Variants in ZNF423 observed in about 807,000 individuals in gnomAD.
ZNF423 encodes Ebf-associated zinc finger protein.
ZNF423 carries 12 observed loss-of-function variants against 95.8 expected under a neutral mutation model. The observed-to-expected ratio is 0.13, with a 90% CI of 0.08 to 0.20. ZNF423 has a LOEUF of 0.20. Ranked by LOEUF, ZNF423 falls within the 10% of genes least tolerant of loss-of-function variation. The pLI is 1.00. For synonymous variants in ZNF423, 749 were observed against 711.9 expected, an observed-to-expected ratio of 1.05 and a Z score of -0.83; for missense variants, 1,316 against 1,737.1, an observed-to-expected ratio of 0.76 and a Z score of 4.31.
At chr16:49,585,367 C>T (rs1444613576) in intron 5 of ZNF423, among the ~76,000 whole-genome samples, 1 of 152,210 alleles carries the variant, frequency 6.6e-6, no homozygotes, top group East Asian at 1.9e-4. Flanking sequence ...CCAAGGTCCC[C>T]TCAAGTCCCA....
chr16:49,515,673 C>T (rs1968102141), intron 7 of ZNF423, among the ~76,000 whole-genome samples: 1 of 152,242 alleles, frequency 6.6e-6, no homozygotes, highest in Non-Finnish European at 1.5e-5. Flanking sequence ...AGAATTGTCT[C>T]TGGTACAATT....
chr16:49,772,487 T>C (rs1255380221), intron 2 of ZNF423, among the ~76,000 whole-genome samples: 2 of 152,206 alleles, frequency 1.3e-5, no homozygotes, highest in Non-Finnish European at 2.9e-5. Flanking sequence ...CCCTGACACA[T>C]TGGTCCAAGC....
chr16:49,694,398 C>T (rs1047397959), intron 3 of ZNF423, among the ~76,000 whole-genome samples: 2 of 152,126 alleles, frequency 1.3e-5, no homozygotes, highest in Non-Finnish European at 2.9e-5. Context: ...TCCATTAAAT[C>T]CCCCAATTGC....
intron 3 of ZNF423, among the ~76,000 whole-genome samples, chr16:49,694,303 C>T (rs2031891707): frequency 6.6e-6 from 1 of 152,124 alleles, no homozygotes; most frequent in African/African-American, 2.4e-5. Flanking sequence ...TACAGAGACC[C>T]CTCTAAAAAT....
chr16:49,626,541 A>G (rs1972277631), intron 4 of ZNF423, among the ~76,000 whole-genome samples: 1 of 152,008 alleles, frequency 6.6e-6, no homozygotes, highest in South Asian at 2.1e-4. Context: ...CTTGCTTAGA[A>G]GGGCAAATCC....
At chr16:49,518,601 TC>T (rs1272367845) in intron 7 of ZNF423, 1 of 417,330 alleles carries the variant, frequency 2.4e-6, no homozygotes, top group Non-Finnish European at 4.6e-6. Flanking sequence ...AAAAAAAAAG[TC>T]TCCCCTATTT....
chr16:49,853,021 T>C (rs1255443413), intron 1 of ZNF423, among the ~76,000 whole-genome samples: 2 of 152,206 alleles, frequency 1.3e-5, no homozygotes, highest in Non-Finnish European at 2.9e-5. Flanking sequence ...CTTCCTGCTA[T>C]GGACTTTCAC....
chr16:49,733,607 T>C (rs1361273549), intron 2 of ZNF423, among the ~76,000 whole-genome samples: 1 of 152,134 alleles, frequency 6.6e-6, no homozygotes, highest in Non-Finnish European at 1.5e-5. Flanking sequence ...GGCCGGCTAC[T>C]AATGGGAAGG....
At chr16:49,615,024 A>T (rs1971829448) in intron 5 of ZNF423, among the ~76,000 whole-genome samples, 1 of 152,070 alleles carries the variant, frequency 6.6e-6, no homozygotes, top group African/African-American at 2.4e-5. Flanking sequence ...TCAGTTACTC[A>T]GGAGGCTGAG....
chr16:49,523,569 G>T (rs1346100387), intron 7 of ZNF423, 55 bp downstream of exon 7: 23 of 1,497,942 alleles, frequency 1.5e-5, no homozygotes, highest in Non-Finnish European at 2.1e-5. Context: ...CGTCGGTGCT[G>T]ACGGGGGAAC....
intron 7 of ZNF423, among the ~76,000 whole-genome samples, chr16:49,501,286 A>T (rs555391701): frequency 6.6e-6 from 1 of 152,344 alleles, no homozygotes; most frequent in South Asian, 2.1e-4. Flanking sequence ...TGTCAAGAAG[A>T]GGCAGCACTT....
At chr16:49,555,206 G>A (rs376451123) in intron 5 of ZNF423, among the ~76,000 whole-genome samples, 2 of 152,136 alleles carry the variant, frequency 1.3e-5, no homozygotes, top group East Asian at 3.8e-4. Context: ...GATCCTTAAT[G>A]CCTATGTCAG....
intron 5 of ZNF423, among the ~76,000 whole-genome samples, chr16:49,611,280 A>G (rs1416742166): frequency 6.6e-6 from 1 of 152,096 alleles, no homozygotes; most frequent in African/African-American, 2.4e-5. Context: ...ACATATTTAA[A>G]ATAACTGAAA....
At chr16:49,763,177 T>C (rs533284866) in intron 2 of ZNF423, among the ~76,000 whole-genome samples, 1 of 152,308 alleles carries the variant, frequency 6.6e-6, no homozygotes, top group East Asian at 1.9e-4. Flanking sequence ...ATCCCTTTCT[T>C]ATTCAGGTTT....
chr16:49,653,366 TC>T (rs1973489779), intron 3 of ZNF423, among the ~76,000 whole-genome samples: 1 of 139,490 alleles, frequency 7.2e-6, no homozygotes, highest in South Asian at 2.5e-4. Flanking sequence ...ACCACACACA[TC>T]CTCCAGCCGC....
At chr16:49,802,982 C>T (rs1016560239) in intron 1 of ZNF423, among the ~76,000 whole-genome samples, 5 of 152,118 alleles carry the variant, frequency 3.3e-5, no homozygotes, top group African/African-American at 1.2e-4. Context: ...AGGACCAGCC[C>T]GATGGCTCAC....
At chr16:49,731,310 T>C in intron 2 of ZNF423, 2 of 985,344 alleles carry the variant, frequency 2.0e-6, no homozygotes, top group Non-Finnish European at 1.2e-6. Context: ...TTTTAAAGCC[T>C]CCATCAGCTG....
chr16:49,539,547 A>C (rs920777118), intron 5 of ZNF423, among the ~76,000 whole-genome samples: 1 of 152,234 alleles, frequency 6.6e-6, no homozygotes, highest in African/African-American at 2.4e-5. Context: ...CCCACCATGT[A>C]AAATGAGAAT....
At chr16:49,813,517 T>C (rs2034788067) in intron 1 of ZNF423, among the ~76,000 whole-genome samples, 1 of 152,214 alleles carries the variant, frequency 6.6e-6, no homozygotes, top group African/African-American at 2.4e-5. Flanking sequence ...AGGCTCATGC[T>C]TGATCTGCCC....
Sources: gnomAD v4.1 joint callset for allele counts (sites outside exome capture counted in the v4.1 genomes callset) on GRCh38, gnomAD v4.1.1 for gene constraint, MANE v1.5 for transcripts, NCBI Gene and HGNC (gene_info 2026-07-23, HGNC 2026-07-21) for gene names.